USH2A: variants seen among roughly 807,000 people sequenced by gnomAD.
USH2A encodes Usher syndrome 2A (autosomal recessive, mild).
USH2A carries 443 observed loss-of-function variants against 538.9 expected under a neutral mutation model. The ratio of observed to expected loss-of-function variants is 0.82; its 90% CI spans 0.76 to 0.89. The LOEUF (loss-of-function observed/expected upper bound fraction) is 0.89. USH2A is among the 40% of genes least tolerant of loss of function. The probability of loss-of-function intolerance (pLI) is 0.00; values close to 1 mark genes in which losing one functional copy is unlikely to be tolerated. For missense variants in USH2A, 6,633 were observed against 6,324.8 expected (o/e 1.05, Z -1.65); for synonymous variants, 2,413 against 2,273.5 (o/e 1.06, Z -1.75).
intron 21 of USH2A, among the ~76,000 whole-genome samples, chr1:216,134,758 T>C (rs1351864029): frequency 6.6e-6 from 1 of 152,058 alleles, no homozygotes; most frequent in Admixed American, 6.6e-5. Context: ...TTCAAAGAAA[T>C]AGCCAAATAT....
In USH2A at chr1:215,965,410, G is replaced by T; in HGVS notation, c.7027C>A (p.Arg2343=). The T allele has an allele frequency of 6.2e-7, 1 of 1,613,830 alleles. No homozygotes were observed. The change falls in exon 37 of 72, where the codon CGG becomes AGG. Residue 2343 remains arginine, a synonymous_variant. Coordinates refer to ENST00000307340, the MANE Select transcript of USH2A (RefSeq NM_206933.4). ...VNVFVKTQGS[R]KAHVRWEAPF... ...GCTTCCCACCTCACGTGGGCTTTCC[G>T]GGATCCCTGTGTTTTGACAAACACA... is the stretch of plus-strand genomic sequence containing the variant.
At chr1:215,975,265 A>C (rs1179046847) in intron 35 of USH2A, among the ~76,000 whole-genome samples, 1 of 151,752 alleles carries the variant, frequency 6.6e-6, no homozygotes, top group Non-Finnish European at 1.5e-5. Context: ...ATTTTCTCCC[A>C]CTCTGTAATT....
At chr1:215,831,209 C>A (rs1458080229) in intron 47 of USH2A, among the ~76,000 whole-genome samples, 3 of 152,056 alleles carry the variant, frequency 2.0e-5, no homozygotes, top group African/African-American at 7.2e-5. Flanking sequence ...CATCAAAGTA[C>A]ATGAAGGAAA....
At chr1:216,266,938 T>A (rs1302862314) in intron 11 of USH2A, among the ~76,000 whole-genome samples, 4 of 151,180 alleles carry the variant, frequency 2.6e-5, no homozygotes, top group South Asian at 2.1e-4. Flanking sequence ...AAATAATATT[T>A]TATATATATA....
intron 23 of USH2A, among the ~76,000 whole-genome samples, chr1:216,088,810 C>G (rs747104315): frequency 6.6e-6 from 1 of 152,028 alleles, no homozygotes; most frequent in African/African-American, 2.4e-5. Context: ...TTATTTTTTT[C>G]TTTACCAAAG....
intron 19 of USH2A, among the ~76,000 whole-genome samples, chr1:216,192,038 G>A (rs1462161054): frequency 6.6e-6 from 1 of 151,960 alleles, no homozygotes; most frequent in Non-Finnish European, 1.5e-5. Flanking sequence ...CATGTACATA[G>A]AGTCAATTTA....
At chr1:215,763,502 G>A (rs1055449809) in intron 56 of USH2A, among the ~76,000 whole-genome samples, 1 of 151,860 alleles carries the variant, frequency 6.6e-6, no homozygotes, top group African/African-American at 2.4e-5. Context: ...GTAGAAATGT[G>A]GGCAAGGATG....
intron 30 of USH2A, among the ~76,000 whole-genome samples, chr1:216,052,419 C>A (rs2030822044): frequency 6.6e-6 from 1 of 150,600 alleles, no homozygotes; most frequent in African/African-American, 2.4e-5. Flanking sequence ...TTCTTGCCAA[C>A]TTTGGATCAA....
At chr1:215,790,343 G>C in intron 50 of USH2A, 61 bp from the exon 51 acceptor site, 1 of 1,579,170 alleles carries the variant, frequency 6.3e-7, no homozygotes, top group Non-Finnish European at 8.7e-7. Context: ...AACTGAGGCT[G>C]CTATAAAGTT....
intron 37 of USH2A, among the ~76,000 whole-genome samples, chr1:215,959,405 C>T (rs1667144032): frequency 6.6e-6 from 1 of 151,978 alleles, no homozygotes; most frequent in Admixed American, 6.6e-5. Flanking sequence ...CTTCCATTTC[C>T]TTTCTTTCCC....
intron 20 of USH2A, among the ~76,000 whole-genome samples, chr1:216,178,842 T>C (rs1231644331): frequency 6.6e-6 from 1 of 152,186 alleles, no homozygotes; most frequent in African/African-American, 2.4e-5. Flanking sequence ...AATTTCTTAA[T>C]TTTAATTAAC....
At chr1:215,965,830 G>A (rs533172158) in intron 36 of USH2A, among the ~76,000 whole-genome samples, 3 of 151,682 alleles carry the variant, frequency 2.0e-5, no homozygotes, top group African/African-American at 7.3e-5. Flanking sequence ...AGAAATGCAC[G>A]CAGTCTGTTT....
At chr1:216,403,886 G>A (rs1433094519) in intron 3 of USH2A, among the ~76,000 whole-genome samples, 1 of 152,014 alleles carries the variant, frequency 6.6e-6, no homozygotes, top group Non-Finnish European at 1.5e-5. Flanking sequence ...GAGTTCTCAC[G>A]AGATCTGATG....
chr1:216,240,500 T>G (rs2102535812), intron 13 of USH2A, among the ~76,000 whole-genome samples: 1 of 144,594 alleles, frequency 6.9e-6, no homozygotes, highest in South Asian at 2.2e-4. Flanking sequence ...GATATAGAGA[T>G]GGTAAAAACT....
intron 35 of USH2A, among the ~76,000 whole-genome samples, 168 bp from the exon 36 acceptor site, chr1:215,970,944 ATGTTACCCTTGAATATCAAAC>A (rs567590402): frequency 1.2e-3 from 178 of 152,288 alleles, no homozygotes; most frequent in Non-Finnish European, 1.8e-3. Flanking sequence ...GATAAAATAG[ATGTTACCCTTGAATATCAAAC>A]TGTAAACCTA....
At chr1:215,717,683 G>T (rs376022485) in intron 61 of USH2A, among the ~76,000 whole-genome samples, 2 of 152,174 alleles carry the variant, frequency 1.3e-5, no homozygotes. Flanking sequence ...TAATGGAAGA[G>T]CCCTGTATTT....
chr1:216,327,556 C>T (rs375918089), intron 5 of USH2A, 35 bp downstream of exon 5: 22 of 1,608,618 alleles, frequency 1.4e-5, no homozygotes, highest in South Asian at 5.5e-5. Flanking sequence ...TTTATCCTTT[C>T]GGTTCTTGAG....
chr1:215,653,975 T>C (rs1208934418), intron 64 of USH2A, among the ~76,000 whole-genome samples: 1 of 152,180 alleles, frequency 6.6e-6, no homozygotes, highest in Non-Finnish European at 1.5e-5. Context: ...AAATATCTTG[T>C]GAACAAACAG....
chr1:215,762,542 T>C (rs984560440), intron 56 of USH2A, among the ~76,000 whole-genome samples: 2 of 152,214 alleles, frequency 1.3e-5, no homozygotes, highest in Admixed American at 1.3e-4. Flanking sequence ...TGATTGATAA[T>C]ATGGAGTTCA....
Sources: gnomAD v4.1 joint callset for allele counts (sites outside exome capture counted in the v4.1 genomes callset) on GRCh38, gnomAD v4.1.1 for gene constraint, MANE v1.5 for transcripts, NCBI Gene and HGNC (gene_info 2026-07-23, HGNC 2026-07-21) for gene names.